CADPS: variants seen among roughly 807,000 people sequenced by gnomAD.
CADPS encodes the protein calcium-dependent secretion activator 1.
In CADPS, 57 loss-of-function variants were observed where a neutral mutation model predicts 167.3. The ratio of observed to expected loss-of-function variants is 0.34; its 90% CI spans 0.28 to 0.42. The LOEUF is 0.42. Among genes scored for constraint, CADPS ranks in the 20% least tolerant of loss-of-function variants. The pLI, the probability that CADPS is intolerant of heterozygous loss-of-function variation, is 1.00. For synonymous variants in CADPS, 676 were observed against 635.3 expected (o/e 1.06, Z -0.96); for missense variants, 1,414 against 1,738.1 (o/e 0.81, Z 3.32).
At chr3:62,530,604 A>ACT in intron 13 of CADPS, 7 of 1,113,264 alleles carry the variant, frequency 6.3e-6, no homozygotes, top group Non-Finnish European at 8.0e-6. Flanking sequence ...AGGCTTGGGG[A>ACT]AAGGGTAAAG....
intron 3 of CADPS, among the ~76,000 whole-genome samples, chr3:62,687,149 T>C (rs1281181092): frequency 6.6e-6 from 1 of 152,098 alleles, no homozygotes; most frequent in Admixed American, 6.5e-5. Context: ...AACAGTCTTG[T>C]TTGCTTAGAT....
chr3:62,638,075 C>T (rs2066657693), intron 6 of CADPS, among the ~76,000 whole-genome samples: 1 of 42,866 alleles, frequency 2.3e-5, no homozygotes. Flanking sequence ...TTGTTTTAAG[C>T]ATTATATATA....
intron 1 of CADPS, among the ~76,000 whole-genome samples, chr3:62,768,016 G>C (rs11922742): frequency 8.8e-4 from 134 of 152,262 alleles, no homozygotes; most frequent in African/African-American, 3.0e-3. Context: ...GTGGCTAGTG[G>C]CTATTGCACT....
At chr3:62,561,140 G>A (rs79707732) in intron 9 of CADPS, among the ~76,000 whole-genome samples, 3 of 151,174 alleles carry the variant, frequency 2.0e-5, no homozygotes, top group Admixed American at 1.3e-4. Context: ...GATAGTGTGT[G>A]GGGGGTGAGG....
chr3:62,679,990 C>T (rs2076898882), intron 3 of CADPS, among the ~76,000 whole-genome samples: 1 of 151,788 alleles, frequency 6.6e-6, no homozygotes. Context: ...AACTTTCCTT[C>T]TAAAAAAACT....
intron 1 of CADPS, among the ~76,000 whole-genome samples, chr3:62,822,785 T>C (rs552582232): frequency 1.2e-3 from 182 of 152,094 alleles, no homozygotes; most frequent in African/African-American, 4.2e-3. Context: ...GAGGTTGCAG[T>C]GAGCCAAGAT....
intron 21 of CADPS, among the ~76,000 whole-genome samples, chr3:62,486,608 G>C (rs568887835): frequency 6.6e-6 from 1 of 152,346 alleles, no homozygotes; most frequent in Non-Finnish European, 1.5e-5. Flanking sequence ...GCAGTGTTTA[G>C]TTCTACCATT....
intron 11 of CADPS, among the ~76,000 whole-genome samples, chr3:62,543,638 G>A (rs1244960494): frequency 6.6e-6 from 1 of 151,866 alleles, no homozygotes; most frequent in Admixed American, 6.6e-5. Context: ...AAGAAAGAAA[G>A]GGAGGAAAAA....
At chr3:62,662,436 C>T (rs1309484751) in intron 3 of CADPS, 42 bp from the exon 4 acceptor site, 3 of 1,559,476 alleles carry the variant, frequency 1.9e-6, no homozygotes, top group Admixed American at 3.3e-5. Flanking sequence ...GTTTGGGTCA[C>T]AAGTGCCAAT....
chr3:62,531,530 G>A (rs1384697893), intron 13 of CADPS, among the ~76,000 whole-genome samples: 1 of 152,148 alleles, frequency 6.6e-6, no homozygotes, highest in Non-Finnish European at 1.5e-5. Flanking sequence ...GAAAAGCACA[G>A]AAAAAATCCT....
intron 20 of CADPS, 111 bp from the exon 21 acceptor site, chr3:62,491,591 T>C (rs963474887): frequency 2.8e-6 from 2 of 720,236 alleles, no homozygotes; most frequent in Non-Finnish European, 4.2e-6. Context: ...ACACAGATGA[T>C]TGATTGTCTT....
intron 24 of CADPS, among the ~76,000 whole-genome samples, chr3:62,471,105 G>A (rs1215083594): frequency 6.6e-6 from 1 of 152,134 alleles, no homozygotes; most frequent in Non-Finnish European, 1.5e-5. Flanking sequence ...CTTCCCAAAG[G>A]TTGTGTGTTG....
At chr3:62,782,019 T>G (rs1425857326) in intron 1 of CADPS, among the ~76,000 whole-genome samples, 2 of 152,172 alleles carry the variant, frequency 1.3e-5, no homozygotes, top group African/African-American at 4.8e-5. Context: ...ATGTCTCCCT[T>G]TACCACACTC....
rs141867510 is a variant in CADPS, at chr3:62,416,476, C to T, written c.3778-13291G>A. Among the ~76,000 whole-genome samples, 405 of 152,234 alleles carry T rather than the reference C, an allele frequency of 2.7e-3. 3 individuals carry two copies. The highest frequency in any genetic ancestry group is 9.2e-3 in the African/African-American group (382 of 41,550). ...TGGACTGGAAAGCTCCAAATAGAGT[C>T]GACTCCTCTCTTTGTCTAGAATAAG... On this transcript the variant is annotated intron_variant, in intron 28 of 29. Coordinates refer to ENST00000383710, the MANE Select transcript of CADPS (RefSeq NM_003716.4).
rs1007242177 is a variant in CADPS, at chr3:62,862,342, G to A, written c.441+12247C>T. Among the ~76,000 whole-genome samples, 4 of 150,498 alleles carry A rather than the reference G, an allele frequency of 2.7e-5. 1 individual carries two copies. The highest frequency in any genetic ancestry group is 4.3e-4 in the South Asian group (2 of 4,652). On this transcript the variant is annotated intron_variant, in intron 1 of 29. Coordinates refer to ENST00000383710, the MANE Select transcript of CADPS (RefSeq NM_003716.4). The stretch of plus-strand genomic sequence containing the variant: ...AGTGATTCTTCTGCCTCAACTTCCC[G>A]AGTAGCTGGGGTTACAGGCACGCAC...
chr3:62,489,635 T>C lies in CADPS; in HGVS notation c.3026+1704A>G, dbSNP rs144369081. On this transcript the variant is annotated intron_variant, in intron 21 of 29. Coordinates refer to ENST00000383710, the MANE Select transcript of CADPS (RefSeq NM_003716.4). Reference sequence around the variant, plus strand: ...TGACTTCTGGCTAGTAAATGGGCACTAAATCTAGGGCTCTTCAAGGAATAG... The same window carrying C: ...TGACTTCTGGCTAGTAAATGGGCACCAAATCTAGGGCTCTTCAAGGAATAG... Among the ~76,000 whole-genome samples, 1,242 of 152,324 alleles carry C rather than the reference T, an allele frequency of 8.2e-3. 20 individuals carry two copies. The highest frequency in any genetic ancestry group is 0.028 in the African/African-American group (1,178 of 41,568).
rs1360420825 is a variant in CADPS at position 62,550,170 on chromosome 3, T to C, written c.1754-55A>G. On this transcript the variant is annotated intron_variant, in intron 10 of 29. Coordinates refer to ENST00000383710, the MANE Select transcript of CADPS (RefSeq NM_003716.4). ...TAAGCTGAGCTGTGATGTTCTCAAC[T>C]GGACTCAGCCTTTGAAAAAGCAGTT... 7 of 1,435,298 alleles carry C rather than the reference T, an allele frequency of 4.9e-6. 1 individual carries two copies. The highest frequency in any genetic ancestry group is 2.3e-5 in the South Asian group (2 of 86,980). 88.9% of individuals were successfully genotyped at this position (1,435,298 alleles called of 1,614,324 possible). A position where few individuals can be genotyped will look rare whatever the true frequency, so the allele number is the denominator to read the frequency against.
intron 8 of CADPS, among the ~76,000 whole-genome samples, chr3:62,571,293 A>T (rs899471845): frequency 6.6e-6 from 1 of 151,956 alleles, no homozygotes; most frequent in Non-Finnish European, 1.5e-5. Context: ...AAATCTCACA[A>T]CTCTTTTGCA....
chr3:62,398,526 A>G lies in CADPS; in HGVS notation c.*880T>C, dbSNP rs1704842670. On this transcript the variant is annotated 3_prime_UTR_variant, in exon 30 of 30. Transcript: ENST00000383710. ...TCAAAATGCAATGTACATGACAGAT[A>G]TAAAAAACAGTGTGGAACAAAATAA... 1 of 152,694 alleles carries G rather than the reference A, an allele frequency of 6.5e-6. No homozygotes were observed. Among genetic ancestry groups the G allele is most frequent in the Non-Finnish European group, 1.5e-5 (1 of 68,052 alleles). 9.5% of individuals were successfully genotyped at this position (152,694 alleles called of 1,614,324 possible).
Sources: allele counts gnomAD v4.1 joint callset (sites outside exome capture counted in the v4.1 genomes callset), GRCh38; gene constraint gnomAD v4.1.1; transcripts MANE v1.5; gene names NCBI Gene and HGNC (gene_info 2026-07-23, HGNC 2026-07-21).